CSTF1: variants seen among roughly 807,000 people sequenced by gnomAD.
The protein encoded by CSTF1 is cleavage stimulation factor subunit 1, also known as CF-1 50 kDa subunit.
A neutral mutation model predicts 40.9 loss-of-function variants in CSTF1; 2 were observed. The observed-to-expected ratio is 0.05, with a 90% CI of 0.02 to 0.15. The LOEUF (loss-of-function observed/expected upper bound fraction) is 0.15. CSTF1 is among the 10% of genes least tolerant of loss of function. CSTF1 has a pLI of 1.00. For missense variants in CSTF1, 279 were observed against 558.9 expected, an observed-to-expected ratio of 0.50 and a Z score of 5.05; for synonymous variants, 218 against 207.2, an observed-to-expected ratio of 1.05 and a Z score of -0.45.
rs113864608 is a variant in CSTF1, at chr20:56,402,635, A to G, written c.1037-833A>G. Among the ~76,000 whole-genome samples the G allele has an allele frequency of 3.1e-3, 472 of 152,210 alleles. 2 individuals are homozygous for G. The highest frequency in any genetic ancestry group is 0.011 in the African/African-American group (455 of 41,542). ...AATTGATATAAACTAAATGTCAGGA[A>G]GTAAAAGAATTGTTAAACAGGCCGG... is the stretch of plus-strand genomic sequence containing the variant. On this transcript the variant is annotated intron_variant, in intron 5 of 5. Transcript: ENST00000217109.
In CSTF1 at chr20:56,395,714, C is replaced by T; in HGVS notation, c.162C>T (p.Ile54=). 6.2e-7 allele frequency: 1 copy of T among 1,613,496 alleles called. No homozygotes were observed. Among genetic ancestry groups the T allele is most frequent in the Non-Finnish European group, 8.5e-7 (1 of 1,179,712 alleles). The change falls in exon 2 of 6, where the codon ATC becomes ATT. Residue 54 remains isoleucine (I), a synonymous_variant. Transcript: ENST00000217109. ...CAPSEQLLHL[I]KLGMENDDTA... is the part of the protein sequence containing the mutation. ...CCTCGGAGCAGCTCCTGCATCTCAT[C>T]AAACTCGGTAGATTGTGAACACAAA... is the stretch of plus-strand genomic sequence containing the variant.
rs1468963264 is a variant in CSTF1, at chr20:56,397,841, G to A, written c.645G>A (p.Gln215=). 1.2e-6 allele frequency: 2 copies of A among 1,602,994 alleles called. No homozygotes were observed. The highest frequency in any genetic ancestry group is 2.2e-5 in the East Asian group (1 of 44,852). The change falls in exon 4 of 6, where the codon CAG becomes CAA. Residue 215 remains glutamine (Q), a splice_region_variant and synonymous_variant. Coordinates refer to ENST00000217109, the MANE Select transcript of CSTF1 (RefSeq NM_001324.3). The surrounding 1 kb of genome is among the most constrained non-coding windows in gnomAD (Gnocchi z 4.4). ...CAAAAAGAGCCTTCAAATACATTCAGGTAGGAATCTTTAGAAAGGAGCTTT... is the reference window on the plus strand; with the variant it reads ...CAAAAAGAGCCTTCAAATACATTCAAGTAGGAATCTTTAGAAAGGAGCTTT... The part of the protein sequence containing the change: ...PSAKRAFKYI[Q]EAEMLRSISF...
intron 1 of CSTF1, among the ~76,000 whole-genome samples, chr20:56,395,069 A>C (rs1987478005): frequency 6.6e-6 from 1 of 152,226 alleles, no homozygotes; most frequent in South Asian, 2.1e-4. Flanking sequence ...AAGATTAGTA[A>C]ACATACAGCT....
In CSTF1 at chr20:56,395,556, T is replaced by G; in HGVS notation, c.4T>G (p.Tyr2Asp). The G allele has an allele frequency of 2.5e-6, 4 of 1,613,576 alleles. No individual in the cohort carries two copies. Among genetic ancestry groups the G allele is most frequent in the Non-Finnish European group, 3.4e-6 (4 of 1,179,758 alleles). M[Y>D]RTKVGLKDRQ... is the part of the protein sequence containing the mutation. ...AACTGTCTTCCTTTTCTCCAAGATGTACAGAACCAAAGTGGGCTTGAAGGA... is the reference window on the plus strand; with the variant it reads ...AACTGTCTTCCTTTTCTCCAAGATGGACAGAACCAAAGTGGGCTTGAAGGA... Residue 2 changes from tyrosine to aspartate, a missense_variant, in exon 2 of 6, where the codon TAC becomes GAC. Physicochemically the swap from Tyr to Asp is radical, Grantham distance 160. Coordinates refer to ENST00000217109, the MANE Select transcript of CSTF1 (RefSeq NM_001324.3).
intron 5 of CSTF1, among the ~76,000 whole-genome samples, chr20:56,402,230 C>G (rs1978485859): frequency 1.3e-5 from 2 of 151,518 alleles, no homozygotes; most frequent in African/African-American, 4.9e-5. Context: ...TCTCTTGAAC[C>G]CAGGAGGCAG....
Position 56,399,078 on chromosome 20 carries a change from G to C in CSTF1, c.757G>C (p.Val253Leu). 6.2e-7 allele frequency: 1 copy of C among 1,613,932 alleles called. No homozygotes were observed. Residue 253 changes from valine (V) to leucine (L), a missense_variant, in exon 5 of 6, where the codon GTC (valine) becomes CTC (leucine). Physicochemically the swap from Val to Leu is conservative, Grantham distance 32. This residue lies in a region of CSTF1 where 162 missense variants were observed against 337.1 expected (regional missense o/e 0.48). Transcript: ENST00000217109. This position sits in a 1 kb window ranked among gnomAD's most constrained non-coding sequence, Gnocchi z 4.6. ...TGATATCAACACCTTTCAATGTTTTGTCTCTTGCAATCCTCAAGATCAACA... is the reference window on the plus strand; with the variant it reads ...TGATATCAACACCTTTCAATGTTTTCTCTCTTGCAATCCTCAAGATCAACA... ...LYDINTFQCFVSCNPQDQHTD... is the reference protein window; with the variant it reads ...LYDINTFQCFLSCNPQDQHTD...
intron 2 of CSTF1, chr20:56,396,938 G>A: frequency 2.6e-6 from 1 of 391,852 alleles, no homozygotes; most frequent in Non-Finnish European, 4.6e-6. Context: ...TGTAGATAAA[G>A]TAGTAAACTC....
chr20:56,402,417 G>A (rs1978500133), intron 5 of CSTF1, among the ~76,000 whole-genome samples: 1 of 152,000 alleles, frequency 6.6e-6, no homozygotes, highest in Non-Finnish European at 1.5e-5. Flanking sequence ...CAATTATTAG[G>A]CAGTTTTTAT....
At chr20:56,402,125 G>C (rs1192489124) in intron 5 of CSTF1, among the ~76,000 whole-genome samples, 1 of 152,056 alleles carries the variant, frequency 6.6e-6, no homozygotes, top group African/African-American at 2.4e-5. Flanking sequence ...TGGCCAACAT[G>C]GTGAAACCCC....
chr20:56,401,263 A>C (rs1978437938), intron 5 of CSTF1, among the ~76,000 whole-genome samples: 1 of 152,166 alleles, frequency 6.6e-6, no homozygotes, highest in African/African-American at 2.4e-5. Context: ...GATGAGTCCA[A>C]ACTCGAGAAA....
intron 5 of CSTF1, among the ~76,000 whole-genome samples, chr20:56,401,523 C>G (rs974163777): frequency 6.6e-6 from 1 of 152,174 alleles, no homozygotes; most frequent in African/African-American, 2.4e-5. Flanking sequence ...TTTAAATACA[C>G]GCTTTTTGAC....
chr20:56,394,518 C>A (rs1352312977), intron 1 of CSTF1, among the ~76,000 whole-genome samples: 1 of 152,168 alleles, frequency 6.6e-6, no homozygotes, highest in Non-Finnish European at 1.5e-5. Context: ...ACCCAGGAGG[C>A]GGAGGTTGCA....
At chr20:56,402,306 CAA>C (rs768794348) in intron 5 of CSTF1, among the ~76,000 whole-genome samples, 35 of 122,504 alleles carry the variant, frequency 2.9e-4, no homozygotes, top group Non-Finnish European at 3.2e-4. Context: ...GACTCTATCT[CAA>C]AAAAAAAAAA....
In CSTF1 at chr20:56,395,707, A is replaced by G. The variant is rs770619587; in HGVS notation, c.155A>G (p.His52Arg). 6.2e-7 allele frequency: 1 copy of G among 1,613,948 alleles called. No homozygotes were observed. Among genetic ancestry groups the G allele is most frequent in the Non-Finnish European group, 8.5e-7 (1 of 1,179,904 alleles). Residue 52 changes from histidine (H) to arginine (R), a missense_variant, in exon 2 of 6, where the codon CAT (histidine) becomes CGT (arginine). His to Arg is a conservative substitution (Grantham distance 29, BLOSUM62 0). Transcript: ENST00000217109. Reference protein sequence around the residue: ...SVCAPSEQLLHLIKLGMENDD... With the variant: ...SVCAPSEQLLRLIKLGMENDD... ...TGTGCACCCTCGGAGCAGCTCCTGC[A>G]TCTCATCAAACTCGGTAGATTGTGA...
At chr20:56,402,517 A>G (rs1978503781) in intron 5 of CSTF1, among the ~76,000 whole-genome samples, 1 of 152,228 alleles carries the variant, frequency 6.6e-6, no homozygotes, top group South Asian at 2.1e-4. Flanking sequence ...GTAGATATTC[A>G]TATACTTTGT....
Position 56,397,307 on chromosome 20 carries a change from G to A in CSTF1, c.270G>A (p.Gln90=), listed in dbSNP as rs1987545341. 1.9e-6 allele frequency: 3 copies of A among 1,614,054 alleles called. No individual in the cohort carries two copies. The highest frequency in any genetic ancestry group is 2.5e-6 in the Non-Finnish European group (3 of 1,180,048). The change falls in exon 3 of 6, where the codon CAG becomes CAA. Residue 90 remains glutamine, a synonymous_variant. Coordinates refer to ENST00000217109, the MANE Select transcript of CSTF1 (RefSeq NM_001324.3). The surrounding 1 kb of genome is among the most constrained non-coding windows in gnomAD (Gnocchi z 4.4). ...ACCTGGAATTTGATGCAGATGTTCA[G>A]ACTATGTCCCCAGAGGCTTCTGAGT... ...GIDLEFDADV[Q]TMSPEASEYE... is the part of the protein sequence containing the mutation.
intron 1 of CSTF1, chr20:56,392,932 A>C (rs922341096): frequency 2.0e-5 from 3 of 152,104 alleles, no homozygotes; most frequent in African/African-American, 7.2e-5. Context: ...CTCTGCATCC[A>C]GATGGTCGCG....
intron 1 of CSTF1, among the ~76,000 whole-genome samples, 192 bp from the exon 2 acceptor site, chr20:56,395,329 G>A (rs6024848): frequency 0.01 from 1,591 of 152,274 alleles, 40 homozygotes; most frequent in African/African-American, 0.036. Context: ...ATGCACCACC[G>A]TGTTTAACTT....
chr20:56,396,210 G>A (rs1323295554), intron 2 of CSTF1, among the ~76,000 whole-genome samples: 2 of 152,154 alleles, frequency 1.3e-5, no homozygotes, highest in African/African-American at 4.8e-5. Flanking sequence ...ACTACAAGTT[G>A]AGTAAGGATC....
Sources: allele counts gnomAD v4.1 joint callset (sites outside exome capture counted in the v4.1 genomes callset), GRCh38; gene constraint gnomAD v4.1.1; regional missense constraint gnomAD v4.1.1; non-coding constraint Gnocchi (gnomAD v3.1); transcripts MANE v1.5; gene names NCBI Gene and HGNC (gene_info 2026-07-23, HGNC 2026-07-21).